The following ELMO1 variants were observed in gnomAD, a reference collection of about 807,000 sequenced individuals.
The protein encoded by ELMO1 is engulfment and cell motility protein 1.
ELMO1 carries 26 observed loss-of-function variants against 98.9 expected under a neutral mutation model. The observed-to-expected ratio is 0.26, with a 90% CI of 0.19 to 0.36. The LOEUF (loss-of-function observed/expected upper bound fraction) is 0.36, where lower values mean the gene tolerates loss of function less well. Ranked by LOEUF, ELMO1 falls within the 10% of genes least tolerant of loss-of-function variation. ELMO1 has a pLI of 1.00. For missense variants in ELMO1, 627 were observed against 935.2 expected, an observed-to-expected ratio of 0.67 and a Z score of 4.30; for synonymous variants, 346 against 346.0, an observed-to-expected ratio of 1.00 and a Z score of 0.00.
chr7:37,297,608 TG>T (rs1798102473), intron 4 of ELMO1, among the ~76,000 whole-genome samples: 1 of 149,248 alleles, frequency 6.7e-6, no homozygotes. Flanking sequence ...TAGCACTGCT[TG>T]AAAAAAAAAA....
intron 14 of ELMO1, among the ~76,000 whole-genome samples, chr7:37,132,514 C>T (rs1786991746): frequency 1.3e-5 from 2 of 152,166 alleles, no homozygotes; most frequent in South Asian, 4.1e-4. Context: ...GCCTTCTCCA[C>T]CACTGTCGCC....
chr7:37,209,615 T>C (rs1307273149), intron 13 of ELMO1, among the ~76,000 whole-genome samples: 2 of 152,186 alleles, frequency 1.3e-5, no homozygotes, highest in African/African-American at 4.8e-5. Context: ...GTAAGAGAGA[T>C]TGGGTGATTT....
In ELMO1 at chr7:37,316,091, A is replaced by G. The variant is rs1799140287; in HGVS notation, c.79-131T>C. On this transcript the variant is annotated intron_variant, in intron 2 of 21. Transcript: ENST00000310758. ...CATTTGCTATTCTTAGTTGTTGTCA[A>G]TGAGTCTCTTATTTTTCTCAAGGTA... 1.1e-5 allele frequency: 8 copies of G among 725,228 alleles called. No individual in the cohort carries two copies. In the South Asian group the frequency reaches 1.4e-4, roughly 13 times the overall value. 44.9% of individuals were successfully genotyped at this position (725,228 alleles called of 1,614,324 possible). A position where few individuals can be genotyped will look rare whatever the true frequency, so the allele number is the denominator to read the frequency against.
At chr7:37,128,970 CG>C (rs2129295511) in intron 14 of ELMO1, among the ~76,000 whole-genome samples, 1 of 151,960 alleles carries the variant, frequency 6.6e-6, no homozygotes, top group South Asian at 2.1e-4. Context: ...TGGAGTCATC[CG>C]GGTAGAGGGT....
At chr7:37,027,843 CAAA>C (rs35248975) in intron 15 of ELMO1, among the ~76,000 whole-genome samples, 1 of 141,386 alleles carries the variant, frequency 7.1e-6, no homozygotes. Flanking sequence ...TGAGATTTAC[CAAA>C]AAAAAAAAGG....
At chr7:36,884,115 GT>G (rs1187872661) in intron 18 of ELMO1, among the ~76,000 whole-genome samples, 2 of 152,134 alleles carry the variant, frequency 1.3e-5, no homozygotes, top group African/African-American at 4.8e-5. Flanking sequence ...GAGGTCAGGA[GT>G]TCGAGACCAG....
chr7:37,054,360 C>T (rs1562925204), intron 15 of ELMO1, among the ~76,000 whole-genome samples: 1 of 152,138 alleles, frequency 6.6e-6, no homozygotes, highest in Non-Finnish European at 1.5e-5. Flanking sequence ...TTAGCATACA[C>T]TAACTAACAG....
At chr7:37,250,940 C>T (rs1584872729) in intron 6 of ELMO1, among the ~76,000 whole-genome samples, 1 of 152,056 alleles carries the variant, frequency 6.6e-6, no homozygotes, top group African/African-American at 2.4e-5. Context: ...CATTGCCAAG[C>T]GGGAAGGAAA....
Position 37,119,216 on chromosome 7 carries a change from A to G in ELMO1, c.1191+13914T>C, listed in dbSNP as rs982543432. ...GGAAAGGCTGAAAAGAGATTCCCCA[A>G]AATGACTCTGAACTTGAGGTGGGCC... is the stretch of plus-strand genomic sequence containing the variant. On this transcript the variant is annotated intron_variant, in intron 14 of 21. Coordinates refer to ENST00000310758, the MANE Select transcript of ELMO1 (RefSeq NM_014800.11). Among the ~76,000 whole-genome samples the G allele has an allele frequency of 2.6e-5, 4 of 152,252 alleles. No individual in the cohort carries two copies. The South Asian group carries it at 8.3e-4, about 31-fold the overall frequency.
chr7:37,069,358 C>G (rs553857564), intron 15 of ELMO1, among the ~76,000 whole-genome samples: 57 of 152,306 alleles, frequency 3.7e-4, no homozygotes, highest in African/African-American at 1.4e-3. Context: ...ATGAAAACCA[C>G]TCAAATTAGT....
At position 37,192,399 on chromosome 7, in the gene ELMO1, G is replaced by C. The variant is rs530256732; in HGVS notation, c.1086+18987C>G. Reference sequence around the variant, plus strand: ...AGTCCCAGCTACTCGGGAGGCTGAGGCAGTAGAATCGCTTGAACCCGGGAG... The same window carrying C: ...AGTCCCAGCTACTCGGGAGGCTGAGCCAGTAGAATCGCTTGAACCCGGGAG... On this transcript the variant is annotated intron_variant, in intron 13 of 21. Transcript: ENST00000310758. Among the ~76,000 whole-genome samples the C allele has an allele frequency of 2.4e-3, 357 of 150,024 alleles. 1 individual carries two copies. Among genetic ancestry groups the C allele is most frequent in the African/African-American group, 8.0e-3 (326 of 40,794 alleles).
At chr7:37,303,080 T>C (rs1798429240) in intron 4 of ELMO1, among the ~76,000 whole-genome samples, 1 of 152,196 alleles carries the variant, frequency 6.6e-6, no homozygotes, top group African/African-American at 2.4e-5. Flanking sequence ...TGCCTGCCCT[T>C]GGGTCACCAG....
intron 10 of ELMO1, among the ~76,000 whole-genome samples, chr7:37,221,107 C>T (rs10228928): frequency 0.28 from 42,478 of 151,948 alleles, 6,584 homozygotes; most frequent in African/African-American, 0.41. Flanking sequence ...AATCCAGCCA[C>T]GGTAAGACTG....
At chr7:37,428,464 A>G (rs1479946781) in intron 1 of ELMO1, among the ~76,000 whole-genome samples, 1 of 152,230 alleles carries the variant, frequency 6.6e-6, no homozygotes, top group Non-Finnish European at 1.5e-5. Flanking sequence ...ACCAATGTGT[A>G]TATGCCTGGA....
chr7:37,346,346 G>A (rs1401828908), intron 1 of ELMO1, among the ~76,000 whole-genome samples: 2 of 152,154 alleles, frequency 1.3e-5, no homozygotes. Flanking sequence ...TCCTCTTTGA[G>A]TAATTTTAAT....
chr7:37,399,615 A>T (rs1803441405), intron 1 of ELMO1, among the ~76,000 whole-genome samples: 1 of 152,214 alleles, frequency 6.6e-6, no homozygotes, highest in Non-Finnish European at 1.5e-5. Context: ...AACATGCAAC[A>T]TGCTTTTGGA....
At chr7:37,411,201 G>T (rs1481874671) in intron 1 of ELMO1, among the ~76,000 whole-genome samples, 19 of 152,228 alleles carry the variant, frequency 1.2e-4, no homozygotes, top group Non-Finnish European at 4.4e-5. Flanking sequence ...TGGATTGTTA[G>T]TGGATAAATT....
At chr7:37,021,650 C>T (rs1461816788) in intron 15 of ELMO1, among the ~76,000 whole-genome samples, 1 of 151,480 alleles carries the variant, frequency 6.6e-6, no homozygotes, top group African/African-American at 2.4e-5. Context: ...TTCCTCCAGG[C>T]CTCTATATCC....
chr7:36,916,072 C>A lies in ELMO1; in HGVS notation c.1438-21055G>T, dbSNP rs897339808. On this transcript the variant is annotated intron_variant, in intron 16 of 21. Transcript: ENST00000310758. ...TTTGTCACCTTTAAAATGGATACAG[C>A]AATACCTCTCTCCTAGGGTTGCTGT... is the stretch of plus-strand genomic sequence containing the variant. 3.9e-5 allele frequency among the ~76,000 whole-genome samples: 6 copies of A among 152,288 alleles called. No individual in the cohort carries two copies. In the South Asian group the frequency reaches 1.2e-3, roughly 32 times the overall value.
Sources: allele counts gnomAD v4.1 joint callset (sites outside exome capture counted in the v4.1 genomes callset), GRCh38; gene constraint gnomAD v4.1.1; transcripts MANE v1.5; gene names NCBI Gene and HGNC (gene_info 2026-07-23, HGNC 2026-07-21).